The following GALNTL6 variants were observed in gnomAD, a reference collection of about 807,000 sequenced individuals.
The protein encoded by GALNTL6 is polypeptide N-acetylgalactosaminyltransferase like 6.
GALNTL6 carries 46 observed loss-of-function variants against 73.7 expected under a neutral mutation model. The observed-to-expected ratio is 0.62, with a 90% CI of 0.49 to 0.80. The LOEUF is 0.80. GALNTL6 is among the 30% of genes least tolerant of loss of function. GALNTL6 has a pLI of 0.00. For synonymous variants in GALNTL6, 259 were observed against 263.7 expected (o/e 0.98, Z 0.17); for missense variants, 604 against 755.0 (o/e 0.80, Z 2.34).
intron 2 of GALNTL6, among the ~76,000 whole-genome samples, chr4:171,829,350 G>C (rs1043223399): frequency 6.6e-6 from 1 of 152,126 alleles, no homozygotes; most frequent in African/African-American, 2.4e-5. Context: ...TATCCAAGGT[G>C]CTTAACTGAG....
chr4:172,293,984 G>T (rs981308076), intron 3 of GALNTL6, among the ~76,000 whole-genome samples: 1 of 150,592 alleles, frequency 6.6e-6, no homozygotes, highest in African/African-American at 2.4e-5. Context: ...ACTTACCTAC[G>T]GTCATTTTTT....
At chr4:171,988,262 T>C (rs949227279) in intron 2 of GALNTL6, among the ~76,000 whole-genome samples, 1 of 152,138 alleles carries the variant, frequency 6.6e-6, no homozygotes, top group Admixed American at 6.6e-5. Flanking sequence ...TTGTAAGGGA[T>C]TGACGTTTGG....
intron 2 of GALNTL6, among the ~76,000 whole-genome samples, chr4:172,036,151 T>C (rs895745508): frequency 6.6e-6 from 1 of 152,070 alleles, no homozygotes; most frequent in African/African-American, 2.4e-5. Flanking sequence ...ATCACACATG[T>C]ATGTGAACAA....
At chr4:172,606,704 GTA>G (rs1318552738) in intron 5 of GALNTL6, among the ~76,000 whole-genome samples, 1 of 102,462 alleles carries the variant, frequency 9.8e-6, no homozygotes, top group African/African-American at 3.4e-5. Flanking sequence ...TATATAGTGT[GTA>G]TATATATAGT....
At chr4:172,547,140 T>C (rs1011584220) in intron 5 of GALNTL6, among the ~76,000 whole-genome samples, 4 of 152,014 alleles carry the variant, frequency 2.6e-5, no homozygotes, top group African/African-American at 9.7e-5. Context: ...TGTCAAATCT[T>C]TGAGATGTTT....
intron 2 of GALNTL6, among the ~76,000 whole-genome samples, chr4:171,832,743 G>T (rs960739125): frequency 4.6e-5 from 7 of 151,642 alleles, no homozygotes; most frequent in African/African-American, 1.7e-4. Flanking sequence ...TCATTAATAA[G>T]ATTGATTTTT....
chr4:172,823,166 G>T (rs1334729323), intron 7 of GALNTL6, among the ~76,000 whole-genome samples: 1 of 152,166 alleles, frequency 6.6e-6, no homozygotes, highest in Non-Finnish European at 1.5e-5. Context: ...GAATTAAACA[G>T]AATGTTCTGC....
chr4:172,473,618 C>G (rs534234487), intron 5 of GALNTL6, among the ~76,000 whole-genome samples: 1 of 152,310 alleles, frequency 6.6e-6, no homozygotes, highest in Admixed American at 6.5e-5. Context: ...ACTTTCTTTA[C>G]AAGGCTTCCA....
At chr4:172,655,924 C>T (rs931794610) in intron 5 of GALNTL6, among the ~76,000 whole-genome samples, 6 of 152,100 alleles carry the variant, frequency 3.9e-5, no homozygotes, top group Admixed American at 1.3e-4. Context: ...AAGGAAAGAA[C>T]GAGTGTAACC....
chr4:172,351,024 A>G (rs776499568), intron 5 of GALNTL6, among the ~76,000 whole-genome samples: 136 of 152,296 alleles, frequency 8.9e-4, no homozygotes, highest in Admixed American at 2.0e-3. Context: ...GAGGGCCGCC[A>G]TGGATGTTTC....
chr4:172,056,410 TG>T (rs1731020208), intron 2 of GALNTL6, among the ~76,000 whole-genome samples: 1 of 152,162 alleles, frequency 6.6e-6, no homozygotes, highest in Non-Finnish European at 1.5e-5. Context: ...CATTCTTTTT[TG>T]CTGCTACAAA....
intron 3 of GALNTL6, among the ~76,000 whole-genome samples, chr4:172,281,088 G>C (rs1272484023): frequency 6.6e-6 from 1 of 151,998 alleles, no homozygotes; most frequent in Non-Finnish European, 1.5e-5. Context: ...AGAATGGCAT[G>C]AACCTGGGAG....
chr4:172,713,379 C>T (rs374971018), intron 5 of GALNTL6, among the ~76,000 whole-genome samples: 1 of 151,484 alleles, frequency 6.6e-6, no homozygotes, highest in Non-Finnish European at 1.5e-5. Context: ...ATGAAAGAGC[C>T]GATGTTGTGG....
At chr4:172,304,659 AAGTGTCACT>A (rs1740061064) in intron 3 of GALNTL6, among the ~76,000 whole-genome samples, 1 of 152,170 alleles carries the variant, frequency 6.6e-6, no homozygotes, top group South Asian at 2.1e-4. Flanking sequence ...AAATACTTTA[AAGTGTCACT>A]AGCAGGGTTT....
intron 2 of GALNTL6, among the ~76,000 whole-genome samples, chr4:171,830,808 CATAA>C: frequency 6.6e-6 from 1 of 152,186 alleles, no homozygotes; most frequent in East Asian, 1.9e-4. Flanking sequence ...CCAATGATAA[CATAA>C]ATAACAAAAT....
intron 5 of GALNTL6, among the ~76,000 whole-genome samples, chr4:172,740,664 C>G (rs1047044400): frequency 7.2e-5 from 11 of 152,052 alleles, no homozygotes; most frequent in African/African-American, 2.7e-4. Flanking sequence ...TTTTTGTGGT[C>G]TACTTAATAC....
At chr4:172,657,066 AT>A (rs1731069772) in intron 5 of GALNTL6, among the ~76,000 whole-genome samples, 1 of 152,192 alleles carries the variant, frequency 6.6e-6, no homozygotes, top group Admixed American at 6.5e-5. Context: ...AGGAGGCAAG[AT>A]TGTAACCATT....
At chr4:172,821,003 G>A (rs1189990097) in intron 7 of GALNTL6, among the ~76,000 whole-genome samples, 2 of 152,110 alleles carry the variant, frequency 1.3e-5, no homozygotes, top group Admixed American at 6.6e-5. Context: ...AGATCTTGCC[G>A]GAACTTCTCA....
chr4:172,831,491 G>T (rs547753430), intron 7 of GALNTL6, among the ~76,000 whole-genome samples: 5 of 152,242 alleles, frequency 3.3e-5, no homozygotes, highest in African/African-American at 1.2e-4. Flanking sequence ...GTGAGATTTG[G>T]ACTACACCTT....
Sources: allele counts gnomAD v4.1 joint callset (sites outside exome capture counted in the v4.1 genomes callset), GRCh38; gene constraint gnomAD v4.1.1; transcripts MANE v1.5; gene names NCBI Gene and HGNC (gene_info 2026-07-23, HGNC 2026-07-21).